Variants in UTP4 observed in about 807,000 individuals in gnomAD.
The protein encoded by UTP4 is UTP4 small subunit processome component, also known as U3 small nucleolar RNA-associated protein 4 homolog.
Under a neutral mutation model 82.4 loss-of-function variants are expected in UTP4, and 45 were observed. The ratio of observed to expected loss-of-function variants is 0.55; its 90% CI spans 0.43 to 0.70. The LOEUF (loss-of-function observed/expected upper bound fraction) is 0.70. Ranked by LOEUF, UTP4 falls within the 30% of genes least tolerant of loss-of-function variation. The pLI, the probability that UTP4 is intolerant of heterozygous loss-of-function variation, is 0.00. For missense variants in UTP4, 819 were observed against 858.3 expected (o/e 0.95, Z 0.57); for synonymous variants, 348 against 300.3 (o/e 1.16, Z -1.64).
At chr16:69,156,345 G>A (rs1044805877) in intron 11 of UTP4, among the ~76,000 whole-genome samples, 3 of 151,734 alleles carry the variant, frequency 2.0e-5, no homozygotes, top group African/African-American at 4.8e-5. Flanking sequence ...AGTAGAGATG[G>A]AGTTTCACCA....
At chr16:69,134,356 T>C (rs912581057) in intron 2 of UTP4, among the ~76,000 whole-genome samples, 1 of 152,072 alleles carries the variant, frequency 6.6e-6, no homozygotes, top group Admixed American at 6.6e-5. Context: ...TGGCAAATAC[T>C]GGGCACTAAG....
At chr16:69,165,208 A>AG (rs1313824993) in intron 14 of UTP4, 133 bp from the exon 15 acceptor site, 7 of 736,140 alleles carry the variant, frequency 9.5e-6, no homozygotes, top group Non-Finnish European at 1.5e-5. Context: ...AAAAAAAAAA[A>AG]GTGTTGGGAG....
intron 16 of UTP4, chr16:69,167,671 T>C (rs1963734458): frequency 6.0e-6 from 1 of 165,778 alleles, no homozygotes; most frequent in Non-Finnish European, 1.3e-5. Flanking sequence ...TGTAAATTAC[T>C]GATTACTCAA....
chr16:69,138,648 A>C (rs946476941), intron 4 of UTP4, among the ~76,000 whole-genome samples: 2 of 152,210 alleles, frequency 1.3e-5, no homozygotes, highest in African/African-American at 4.8e-5. Context: ...TTGACCCTTT[A>C]GAACAGGGGT....
rs1484355270 is a variant in UTP4, at chr16:69,139,860, A to AC, written c.475dup (p.His159ProfsTer11). 6.2e-7 allele frequency: 1 copy of AC among 1,613,884 alleles called. No homozygotes were observed. The highest frequency in any genetic ancestry group is 8.5e-7 in the Non-Finnish European group (1 of 1,179,880). ...GAGTCTCAGCTGGCATCCCTCTGGT[A>AC]CCCACATTGCAGCTGGTTCCATAGA... On this transcript the variant is annotated frameshift_variant, in exon 5 of 17. Coordinates refer to ENST00000314423, the MANE Select transcript of UTP4 (RefSeq NM_032830.3). LOFTEE classifies it high-confidence loss of function.
chr16:69,164,018 T>TG (rs750905065), intron 14 of UTP4, among the ~76,000 whole-genome samples: 14 of 151,732 alleles, frequency 9.2e-5, no homozygotes, highest in African/African-American at 2.7e-4. Context: ...CCCGAGTAGC[T>TG]GGACTACAGG....
chr16:69,162,747 G>A (rs1203747981), intron 13 of UTP4, among the ~76,000 whole-genome samples: 1 of 151,366 alleles, frequency 6.6e-6, no homozygotes, highest in East Asian at 1.9e-4. Context: ...AAATTAGCCG[G>A]GTGTGGTGGT....
chr16:69,154,614 GATTAT>G (rs1963360591), intron 10 of UTP4, among the ~76,000 whole-genome samples, 157 bp downstream of exon 10: 1 of 152,082 alleles, frequency 6.6e-6, no homozygotes, highest in Admixed American at 6.6e-5. Flanking sequence ...GGTTTCCTGT[GATTAT>G]AAGTAGGACG....
Position 69,167,047 on chromosome 16 carries a change from T to C in UTP4, c.1834-28T>C, listed in dbSNP as rs768390598. 6 of 1,506,536 alleles carry C rather than the reference T, an allele frequency of 4.0e-6. No individual in the cohort carries two copies. In the East Asian group the frequency reaches 6.8e-5, roughly 17 times the overall value. 93.3% of individuals were successfully genotyped at this position (1,506,536 alleles called of 1,614,324 possible). ...TGCAGAAGCCCAATAAAAGTAACCA[T>C]TTAAACAATGTGTCTTTGTTTTTTT... is the stretch of plus-strand genomic sequence containing the variant. On this transcript the variant is annotated intron_variant, in intron 15 of 16. Transcript: ENST00000314423.
In UTP4 at chr16:69,168,253, G is replaced by A. The variant is rs560427788; in HGVS notation, c.1945-568G>A. Among the ~76,000 whole-genome samples the A allele has an allele frequency of 1.9e-3, 289 of 151,930 alleles. No individual in the cohort carries two copies. In the South Asian group the frequency reaches 0.024, roughly 13 times the overall value. ...AGATCGAGACCATCCTGGCTAACAC[G>A]GTGAAACCCCATCTCTACTAAAAAT... On this transcript the variant is annotated intron_variant, in intron 16 of 16. Coordinates refer to ENST00000314423, the MANE Select transcript of UTP4 (RefSeq NM_032830.3).
intron 9 of UTP4, 133 bp from the exon 10 acceptor site, chr16:69,154,260 C>G: frequency 1.4e-6 from 1 of 708,524 alleles, no homozygotes; most frequent in Admixed American, 2.4e-5. Context: ...TGTGAGCTTA[C>G]TCAGTGAGCT....
chr16:69,136,558 A>G (rs1443942407), intron 2 of UTP4, 138 bp from the exon 3 acceptor site: 2 of 825,936 alleles, frequency 2.4e-6, no homozygotes. Context: ...TGAAAATGTC[A>G]TTAGGCATGA....
chr16:69,133,372 A>C (rs531390907), intron 1 of UTP4, 86 bp from the exon 2 acceptor site: 3 of 1,343,592 alleles, frequency 2.2e-6, no homozygotes, highest in Non-Finnish European at 3.2e-6. Flanking sequence ...CCTTCCAGCC[A>C]GAACAGTGAT....
Position 69,139,816 on chromosome 16 carries a change from A to G in UTP4, c.437-9A>G, listed in dbSNP as rs1555535786. On this transcript the variant is annotated splice_polypyrimidine_tract_variant and intron_variant, in intron 4 of 16. Coordinates refer to ENST00000314423, the MANE Select transcript of UTP4 (RefSeq NM_032830.3). ...TGTCACTTTCTTTTTTTGTTGTCCA[A>G]CTCCCAAGGTCGCATCCTGAGTCTC... 6.2e-7 allele frequency: 1 copy of G among 1,607,392 alleles called. No individual in the cohort carries two copies. The highest frequency in any genetic ancestry group is 1.7e-5 in the Admixed American group (1 of 59,948).
intron 8 of UTP4, among the ~76,000 whole-genome samples, chr16:69,151,226 G>A (rs1008022075): frequency 6.6e-6 from 1 of 151,828 alleles, no homozygotes; most frequent in Non-Finnish European, 1.5e-5. Context: ...GGCTGATCTC[G>A]GAACTCCCAA....
At chr16:69,144,139 C>T (rs987983961) in intron 6 of UTP4, among the ~76,000 whole-genome samples, 4 of 151,946 alleles carry the variant, frequency 2.6e-5, no homozygotes, top group African/African-American at 4.8e-5. Flanking sequence ...CCACCCACCT[C>T]GGCCTCCCAA....
intron 4 of UTP4, among the ~76,000 whole-genome samples, chr16:69,138,846 C>T (rs1390139856): frequency 6.6e-6 from 1 of 152,096 alleles, no homozygotes; most frequent in Non-Finnish European, 1.5e-5. Context: ...GGCCTGTGGG[C>T]CACAGTTTGG....
chr16:69,136,575 A>G, intron 2 of UTP4, 121 bp from the exon 3 acceptor site: 1 of 910,100 alleles, frequency 1.1e-6, no homozygotes, highest in South Asian at 1.3e-5. Context: ...ATGATCTGAT[A>G]GCACAAAACC....
chr16:69,139,783 T>C lies in UTP4; in HGVS notation c.437-42T>C, dbSNP rs1962910706. The C allele has an allele frequency of 3.1e-6, 4 of 1,299,870 alleles. No individual in the cohort carries two copies. The East Asian group carries it at 9.2e-5, about 30-fold the overall frequency. 80.5% of individuals were successfully genotyped at this position (1,299,870 alleles called of 1,614,324 possible). On this transcript the variant is annotated intron_variant, in intron 4 of 16. Coordinates refer to ENST00000314423, the MANE Select transcript of UTP4 (RefSeq NM_032830.3). ...AGAGCTCAGTTACTCTTCGTATATTTATGTGTATGTCACTTTCTTTTTTTG... is the reference window on the plus strand; with the variant it reads ...AGAGCTCAGTTACTCTTCGTATATTCATGTGTATGTCACTTTCTTTTTTTG...
Sources: allele counts gnomAD v4.1 joint callset (sites outside exome capture counted in the v4.1 genomes callset), GRCh38; gene constraint gnomAD v4.1.1; transcripts MANE v1.5; gene names NCBI Gene and HGNC (gene_info 2026-07-23, HGNC 2026-07-21).